Variants in CADPS2 observed in about 807,000 individuals in gnomAD.
The protein encoded by CADPS2 is calcium-dependent secretion activator 2.
Under a neutral mutation model 172.5 loss-of-function variants are expected in CADPS2, and 93 were observed. That is an observed-to-expected ratio of 0.54 (90% confidence interval 0.46 to 0.64). CADPS2 has a LOEUF of 0.64. Ranked by LOEUF, CADPS2 falls within the 30% of genes least tolerant of loss-of-function variation. The probability of loss-of-function intolerance (pLI) is 0.00; values close to 1 mark genes in which losing one functional copy is unlikely to be tolerated. For missense variants in CADPS2, 1,420 were observed against 1,565.9 expected, an observed-to-expected ratio of 0.91 and a Z score of 1.57; for synonymous variants, 546 against 555.2, an observed-to-expected ratio of 0.98 and a Z score of 0.23.
chr7:122,665,352 T>C (rs911535385), intron 2 of CADPS2, among the ~76,000 whole-genome samples: 3 of 152,122 alleles, frequency 2.0e-5, no homozygotes, highest in African/African-American at 7.2e-5. Flanking sequence ...CTATCTTTAC[T>C]CAATGGCAAG....
At chr7:122,343,788 C>T (rs1304742585) in intron 28 of CADPS2, among the ~76,000 whole-genome samples, 1 of 152,080 alleles carries the variant, frequency 6.6e-6, no homozygotes, top group Admixed American at 6.6e-5. Context: ...TGAAAATCAC[C>T]ACATTAGCAG....
chr7:122,825,889 T>C (rs1804738235), intron 1 of CADPS2, among the ~76,000 whole-genome samples: 1 of 152,144 alleles, frequency 6.6e-6, no homozygotes. Context: ...CAAGGTCAAG[T>C]GGGAGCGTAG....
At chr7:122,446,580 T>C (rs2052241362) in intron 15 of CADPS2, among the ~76,000 whole-genome samples, 1 of 152,190 alleles carries the variant, frequency 6.6e-6, no homozygotes, top group Admixed American at 6.5e-5. Context: ...GCATTAGAGA[T>C]TCCCCCCATA....
At chr7:122,591,502 GA>G (rs2070802456) in intron 6 of CADPS2, among the ~76,000 whole-genome samples, 1 of 151,950 alleles carries the variant, frequency 6.6e-6, no homozygotes, top group Non-Finnish European at 1.5e-5. Context: ...AGTTCATATT[GA>G]ACCAAAAAAG....
At chr7:122,762,367 G>C (rs1406458889) in intron 1 of CADPS2, among the ~76,000 whole-genome samples, 1 of 152,058 alleles carries the variant, frequency 6.6e-6, no homozygotes, top group Non-Finnish European at 1.5e-5. Flanking sequence ...TCTCCCAGAA[G>C]GGAGGCACAC....
At chr7:122,658,097 C>A (rs567419566) in intron 3 of CADPS2, among the ~76,000 whole-genome samples, 1 of 152,284 alleles carries the variant, frequency 6.6e-6, no homozygotes, top group East Asian at 1.9e-4. Context: ...ACAGACACTT[C>A]TCAAAAGAAG....
chr7:122,698,595 T>A, intron 2 of CADPS2: 1 of 1,613,972 alleles, frequency 6.2e-7, no homozygotes, highest in South Asian at 1.1e-5. Context: ...AGGTACAACC[T>A]CCCCGTTCAA....
At chr7:122,699,880 C>G (rs186592265) in intron 2 of CADPS2, among the ~76,000 whole-genome samples, 30 of 152,252 alleles carry the variant, frequency 2.0e-4, no homozygotes, top group Non-Finnish European at 4.1e-4. Context: ...TTTTAAAAAA[C>G]AGCTATTAAG....
At chr7:122,820,277 C>T (rs1260706797) in intron 1 of CADPS2, among the ~76,000 whole-genome samples, 4 of 152,158 alleles carry the variant, frequency 2.6e-5, no homozygotes, top group African/African-American at 7.2e-5. Flanking sequence ...ACCTAGGCTG[C>T]ACTGCCACAA....
intron 8 of CADPS2, among the ~76,000 whole-genome samples, chr7:122,515,386 TTCTG>T (rs961058890): frequency 8.5e-5 from 13 of 152,316 alleles, no homozygotes; most frequent in African/African-American, 2.9e-4. Context: ...GTTGCTCTCT[TTCTG>T]TCTTTCTCTG....
At chr7:122,327,247 T>C (rs2034049956) in intron 28 of CADPS2, among the ~76,000 whole-genome samples, 1 of 152,120 alleles carries the variant, frequency 6.6e-6, no homozygotes, top group Non-Finnish European at 1.5e-5. Flanking sequence ...TTCAAATAAT[T>C]TACAGCTTCA....
chr7:122,717,671 T>C (rs957687142), intron 2 of CADPS2, among the ~76,000 whole-genome samples: 1 of 152,160 alleles, frequency 6.6e-6, no homozygotes, highest in South Asian at 2.1e-4. Context: ...ATCCCTTTCA[T>C]TGTTTAGCTA....
chr7:122,534,387 C>G (rs2062042579), intron 8 of CADPS2, among the ~76,000 whole-genome samples: 1 of 151,982 alleles, frequency 6.6e-6, no homozygotes, highest in Non-Finnish European at 1.5e-5. Context: ...GATATTTCAG[C>G]AAAGTAACTA....
chr7:122,819,891 T>A (rs191257849), intron 1 of CADPS2, among the ~76,000 whole-genome samples: 2 of 151,990 alleles, frequency 1.3e-5, no homozygotes, highest in Admixed American at 6.6e-5. Context: ...TAATCACCCT[T>A]ACCCCACTCA....
At chr7:122,506,571 C>G (rs138301191) in intron 9 of CADPS2, among the ~76,000 whole-genome samples, 54 of 152,244 alleles carry the variant, frequency 3.5e-4, no homozygotes, top group African/African-American at 1.3e-3. Flanking sequence ...CTAGAGACCA[C>G]AGCATTCAGG....
chr7:122,622,664 G>C (rs1223348609), intron 4 of CADPS2, among the ~76,000 whole-genome samples: 1 of 152,146 alleles, frequency 6.6e-6, no homozygotes, highest in Non-Finnish European at 1.5e-5. Context: ...TAAAGACAGA[G>C]GGTATATAGT....
intron 8 of CADPS2, among the ~76,000 whole-genome samples, chr7:122,539,837 TTAGTA>T (rs1195362376): frequency 6.6e-6 from 1 of 151,818 alleles, no homozygotes; most frequent in Non-Finnish European, 1.5e-5. Flanking sequence ...CTTTCTTTCT[TTAGTA>T]AAGCATGCTT....
intron 2 of CADPS2, chr7:122,702,252 T>C (rs1156503662): frequency 6.2e-7 from 1 of 1,613,836 alleles, no homozygotes; most frequent in Non-Finnish European, 8.5e-7. Flanking sequence ...CCTTTCTGAA[T>C]CGAGTGCAAA....
intron 15 of CADPS2, among the ~76,000 whole-genome samples, chr7:122,448,819 A>C (rs2052653788): frequency 6.6e-6 from 1 of 152,228 alleles, no homozygotes; most frequent in Non-Finnish European, 1.5e-5. Context: ...TATGATCTTA[A>C]GAGAAGACTA....
Sources: allele counts gnomAD v4.1 joint callset (sites outside exome capture counted in the v4.1 genomes callset), GRCh38; gene constraint gnomAD v4.1.1; transcripts MANE v1.5; gene names NCBI Gene and HGNC (gene_info 2026-07-23, HGNC 2026-07-21).